Variants in DDX60 observed in about 807,000 individuals in gnomAD.
The protein encoded by DDX60 is probable ATP-dependent RNA helicase DDX60.
A neutral mutation model predicts 212.8 loss-of-function variants in DDX60; 165 were observed. The observed-to-expected ratio is 0.78, with a 90% CI of 0.68 to 0.88. The LOEUF is 0.88. Among genes scored for constraint, DDX60 ranks in the 40% least tolerant of loss-of-function variants. DDX60 has a pLI of 0.00. For missense variants in DDX60, 1,905 were observed against 2,003.9 expected (o/e 0.95, Z 0.94); for synonymous variants, 703 against 685.3 (o/e 1.03, Z -0.40).
intron 19 of DDX60, among the ~76,000 whole-genome samples, chr4:168,269,291 C>G (rs1475368432): frequency 6.6e-6 from 1 of 152,104 alleles, no homozygotes; most frequent in Non-Finnish European, 1.5e-5. Context: ...TTAAATTCTT[C>G]ACATCACAGC....
intron 1 of DDX60, among the ~76,000 whole-genome samples, chr4:168,317,801 G>T (rs760545271): frequency 1.1e-4 from 17 of 152,180 alleles, no homozygotes; most frequent in Non-Finnish European, 2.4e-4. Context: ...GTTGTGAGAA[G>T]GCCACTGTAG....
At chr4:168,243,924 A>G (rs770221491) in intron 30 of DDX60, among the ~76,000 whole-genome samples, 28 of 151,464 alleles carry the variant, frequency 1.8e-4, no homozygotes, top group Non-Finnish European at 5.9e-5. Flanking sequence ...CTATGCAGCT[A>G]TAAAAAGGAA....
chr4:168,272,784 T>A (rs183071738), intron 18 of DDX60, among the ~76,000 whole-genome samples: 1 of 152,330 alleles, frequency 6.6e-6, no homozygotes, highest in Admixed American at 6.5e-5. Context: ...CATCTCCATG[T>A]CTACCATGCA....
chr4:168,291,413 A>G lies in DDX60; in HGVS notation c.1041+335T>C, dbSNP rs140187997. ...TCTCTATAAGAGTTGAAAGTAATAAACTACAAAACTGATTTCTTCAGTTCC... is the reference window on the plus strand; with the variant it reads ...TCTCTATAAGAGTTGAAAGTAATAAGCTACAAAACTGATTTCTTCAGTTCC... On this transcript the variant is annotated intron_variant, in intron 8 of 37. Transcript: ENST00000393743. 3.5e-3 allele frequency among the ~76,000 whole-genome samples: 528 copies of G among 152,336 alleles called. 2 individuals carry two copies. Among genetic ancestry groups the G allele is most frequent in the African/African-American group, 0.011 (478 of 41,588 alleles).
intron 30 of DDX60, among the ~76,000 whole-genome samples, chr4:168,238,032 G>A (rs1457602590): frequency 2.0e-5 from 3 of 151,842 alleles, no homozygotes; most frequent in Non-Finnish European, 4.4e-5. Flanking sequence ...GATTATTAAA[G>A]CCATTCCAGT....
At chr4:168,261,286 C>A (rs1394997428) in intron 24 of DDX60, among the ~76,000 whole-genome samples, 1 of 152,062 alleles carries the variant, frequency 6.6e-6, no homozygotes, top group Admixed American at 6.6e-5. Context: ...GCTGGTTTCA[C>A]TATGACAGGA....
chr4:168,221,737 C>G lies in DDX60; in HGVS notation c.4969G>C (p.Asp1657His), dbSNP rs758224963. Reference protein sequence around the residue: ...KHGSLIGLVQDNRMNEGDAYY... With the variant: ...KHGSLIGLVQHNRMNEGDAYY... Reference sequence around the variant, plus strand: ...CAGACAGAGAGGACATACCTGTTATCCTGGACTAATCCTATCAAGGAACCA... The same window carrying G: ...CAGACAGAGAGGACATACCTGTTATGCTGGACTAATCCTATCAAGGAACCA... The change falls in exon 36 of 38, where the codon GAT (aspartate) becomes CAT (histidine). Residue 1657 changes from aspartate to histidine, a missense_variant. By Grantham distance (81) the Asp-to-His change is moderately conservative. Transcript: ENST00000393743. 1 of 1,610,160 alleles carries G rather than the reference C, an allele frequency of 6.2e-7. No individual in the cohort carries two copies. Among genetic ancestry groups the G allele is most frequent in the African/African-American group, 1.3e-5 (1 of 74,896 alleles).
intron 33 of DDX60, among the ~76,000 whole-genome samples, chr4:168,235,756 A>G (rs1391376141): frequency 1.3e-5 from 2 of 152,132 alleles, no homozygotes; most frequent in African/African-American, 4.8e-5. Context: ...CATGTTACAA[A>G]TAAAATCGAA....
At chr4:168,259,602 A>T (rs192358010) in intron 25 of DDX60, among the ~76,000 whole-genome samples, 2 of 151,728 alleles carry the variant, frequency 1.3e-5, no homozygotes, top group African/African-American at 4.8e-5. Context: ...TATTTACTTC[A>T]GCTTCCATGG....
Position 168,280,538 on chromosome 4 carries a change from CT to C in DDX60, c.1774del (p.Arg592GlyfsTer21). On this transcript the variant is annotated frameshift_variant, in exon 14 of 38. Transcript: ENST00000393743. LOFTEE classifies it high-confidence loss of function. ...ARENKKRLFA[R>X]EEQKEEQKWN... ...CTTTTGCTCTTCCTTTTGTTCTTCC[CT>C]GGCAAATAACCTTTTCTTATTCTCT... The C allele has an allele frequency of 6.2e-7, 1 of 1,614,002 alleles. No homozygotes were observed. The highest frequency in any genetic ancestry group is 8.5e-7 in the Non-Finnish European group (1 of 1,179,990).
In DDX60 at chr4:168,262,256, C is replaced by T. The variant is rs778908471; in HGVS notation, c.3145-128G>A. ...CAGAGATGGTTAAACTTTTTATCTC[C>T]ACATGGCTTCTAATGCATAACGTTA... On this transcript the variant is annotated intron_variant, in intron 23 of 37. Transcript: ENST00000393743. 1.3e-5 allele frequency: 13 copies of T among 983,782 alleles called. No homozygotes were observed. In the Admixed American group the frequency reaches 3.0e-4, roughly 22 times the overall value. The allele number at this position is 983,782 out of a possible 1,614,324, so 60.9% of individuals were successfully genotyped here.
intron 23 of DDX60, 75 bp from the exon 24 acceptor site, chr4:168,262,203 A>G (rs555530677): frequency 6.8e-7 from 1 of 1,472,802 alleles, no homozygotes; most frequent in Admixed American, 2.4e-5. Context: ...TATATGCCTC[A>G]TTAACAGCCT....
intron 14 of DDX60, among the ~76,000 whole-genome samples, chr4:168,277,399 C>T (rs1735387287): frequency 1.3e-5 from 2 of 152,056 alleles, no homozygotes; most frequent in Admixed American, 6.5e-5. Flanking sequence ...CTTTTTGCAC[C>T]CGTCTTTGAA....
chr4:168,247,543 C>T (rs934871761), intron 29 of DDX60, among the ~76,000 whole-genome samples: 9 of 152,110 alleles, frequency 5.9e-5, no homozygotes, highest in African/African-American at 1.7e-4. Flanking sequence ...TTTGATTCTG[C>T]GAGCAGAAAT....
intron 24 of DDX60, 136 bp downstream of exon 24, chr4:168,261,864 C>T: frequency 1.0e-6 from 1 of 1,002,852 alleles, no homozygotes; most frequent in South Asian, 1.7e-5. Context: ...CTCAGAATTA[C>T]TAGACTTCAA....
intron 18 of DDX60, 43 bp downstream of exon 18, chr4:168,273,236 G>C: frequency 6.3e-7 from 1 of 1,584,882 alleles, no homozygotes; most frequent in Non-Finnish European, 8.6e-7. Flanking sequence ...TACAAGTACA[G>C]TTATATAATT....
At chr4:168,247,977 C>A (rs1033143354) in intron 29 of DDX60, among the ~76,000 whole-genome samples, 3 of 152,202 alleles carry the variant, frequency 2.0e-5, no homozygotes, top group Non-Finnish European at 4.4e-5. Context: ...TCAGATATCT[C>A]ATCCGAGGTC....
At chr4:168,242,312 C>T (rs1163050590) in intron 30 of DDX60, among the ~76,000 whole-genome samples, 1 of 152,166 alleles carries the variant, frequency 6.6e-6, no homozygotes, top group Non-Finnish European at 1.5e-5. Flanking sequence ...AAGAGGACCC[C>T]CACCCTCCAG....
In DDX60 at chr4:168,216,842, A is replaced by C; in HGVS notation, c.*91T>G. The C allele has an allele frequency of 1.4e-6, 1 of 740,550 alleles. No individual in the cohort carries two copies. 45.9% of individuals were successfully genotyped at this position (740,550 alleles called of 1,614,324 possible). On this transcript the variant is annotated 3_prime_UTR_variant, in exon 38 of 38. Coordinates refer to ENST00000393743, the MANE Select transcript of DDX60 (RefSeq NM_017631.6). ...CGTAATGTATTTCCACTTTATCATA[A>C]TGTATTTCTGGCAAGAAGCATAAGA...
Sources: allele counts gnomAD v4.1 joint callset (sites outside exome capture counted in the v4.1 genomes callset), GRCh38; gene constraint gnomAD v4.1.1; transcripts MANE v1.5; gene names NCBI Gene and HGNC (gene_info 2026-07-23, HGNC 2026-07-21).